The following SYT1 variants were observed in gnomAD, a reference collection of about 807,000 sequenced individuals.
SYT1 encodes the protein synaptotagmin-1.
A neutral mutation model predicts 44.8 loss-of-function variants in SYT1; 8 were observed. The ratio of observed to expected loss-of-function variants is 0.18; its 90% confidence interval spans 0.10 to 0.32. The LOEUF (loss-of-function observed/expected upper bound fraction) is 0.32, where lower values mean the gene tolerates loss of function less well. Among genes scored for constraint, SYT1 ranks in the 10% least tolerant of loss-of-function variants. The probability of loss-of-function intolerance (pLI) is 1.00; values close to 1 mark genes in which losing one functional copy is unlikely to be tolerated. For synonymous variants in SYT1, 154 were observed against 188.8 expected (o/e 0.82, Z 1.51); for missense variants, 286 against 509.3 (o/e 0.56, Z 4.22).
chr12:78,948,077 G>T (rs1233535778), intron 1 of SYT1, among the ~76,000 whole-genome samples: 6 of 151,502 alleles, frequency 4.0e-5, no homozygotes, highest in African/African-American at 7.3e-5. Context: ...AACAATGAAA[G>T]GTCCTGCAGA....
At position 79,178,961 on chromosome 12, in the gene SYT1, G is replaced by A. The variant is rs192002823; in HGVS notation, c.-17-38542G>A. On this transcript the variant is annotated intron_variant, in intron 3 of 10. Transcript: ENST00000261205. ...AGATATAGATATAGATATAGATATA[G>A]ATATAGATATATAGATATAGATATA... is the stretch of plus-strand genomic sequence containing the variant. 5.6e-4 allele frequency among the ~76,000 whole-genome samples: 11 copies of A among 19,536 alleles called. 1 individual carries two copies. The highest frequency in any genetic ancestry group is 2.0e-3 in the African/African-American group (6 of 3,070). 12.8% of individuals were successfully genotyped at this position (19,536 alleles called of 152,430 possible).
At chr12:79,380,584 C>G (rs1287576118) in intron 9 of SYT1, among the ~76,000 whole-genome samples, 1 of 152,116 alleles carries the variant, frequency 6.6e-6, no homozygotes, top group African/African-American at 2.4e-5. Context: ...ATGGGGGTCT[C>G]ACTATATTGC....
At chr12:79,074,927 G>A (rs1876537784) in intron 3 of SYT1, among the ~76,000 whole-genome samples, 1 of 150,308 alleles carries the variant, frequency 6.7e-6, no homozygotes, top group East Asian at 1.9e-4. Flanking sequence ...TTTACTTCTT[G>A]TTTTCCATGC....
chr12:78,974,910 CT>C (rs1868705015), intron 1 of SYT1, among the ~76,000 whole-genome samples: 1 of 152,084 alleles, frequency 6.6e-6, no homozygotes, highest in Non-Finnish European at 1.5e-5. Flanking sequence ...CGTGATCCTC[CT>C]TGCATAGACC....
intron 2 of SYT1, among the ~76,000 whole-genome samples, chr12:79,017,603 G>C (rs1269094754): frequency 6.6e-6 from 1 of 152,096 alleles, no homozygotes; most frequent in Non-Finnish European, 1.5e-5. Flanking sequence ...ACATTGTGGG[G>C]AGGGGACTTC....
At chr12:79,056,767 AG>A (rs1220609376) in intron 3 of SYT1, among the ~76,000 whole-genome samples, 3 of 152,082 alleles carry the variant, frequency 2.0e-5, no homozygotes, top group African/African-American at 7.2e-5. Flanking sequence ...TTGAAATCAC[AG>A]CATTATTCTT....
chr12:78,987,380 T>C (rs922084429), intron 2 of SYT1, among the ~76,000 whole-genome samples: 1 of 152,068 alleles, frequency 6.6e-6, no homozygotes, highest in Admixed American at 6.6e-5. Context: ...TGAGGTCACA[T>C]GTTGGCTAAA....
chr12:79,045,531 T>C, intron 2 of SYT1: 1 of 157,256 alleles, frequency 6.4e-6, no homozygotes, highest in Non-Finnish European at 1.4e-5. Flanking sequence ...TGGCACTCCC[T>C]AGTGAGATGA....
intron 1 of SYT1, among the ~76,000 whole-genome samples, chr12:78,893,916 G>A (rs1023364622): frequency 1.4e-4 from 21 of 151,536 alleles, no homozygotes; most frequent in African/African-American, 4.1e-4. Flanking sequence ...TCTCTCATGC[G>A]CAAAGATGCT....
intron 1 of SYT1, among the ~76,000 whole-genome samples, chr12:78,871,124 A>G (rs1873799714): frequency 6.6e-6 from 1 of 152,018 alleles, no homozygotes; most frequent in South Asian, 2.1e-4. Flanking sequence ...TTCAAATCAT[A>G]CTTTCAAAAT....
Position 79,099,325 on chromosome 12 carries a change from C to T in SYT1, c.-18+51963C>T, listed in dbSNP as rs144878628. Among the ~76,000 whole-genome samples the T allele has an allele frequency of 6.5e-3, 995 of 152,190 alleles. 14 individuals are homozygous for T. The highest frequency in any genetic ancestry group is 0.023 in the African/African-American group (947 of 41,546). ...TAAAAGAGAAGCTTTAGCACAATAA[C>T]GTTTTGTCTAAACATTATTTATTCA... On this transcript the variant is annotated intron_variant, in intron 3 of 10. Transcript: ENST00000261205.
chr12:78,971,539 A>T (rs1312645085), intron 1 of SYT1, among the ~76,000 whole-genome samples: 2 of 152,188 alleles, frequency 1.3e-5, no homozygotes, highest in Non-Finnish European at 2.9e-5. Flanking sequence ...CACAAAGAAA[A>T]ATTATATAAA....
At chr12:78,942,017 C>T (rs1826887200) in intron 1 of SYT1, among the ~76,000 whole-genome samples, 2 of 152,200 alleles carry the variant, frequency 1.3e-5, no homozygotes, top group Admixed American at 6.5e-5. Context: ...TACTATTTTC[C>T]TTTTGGCCTC....
At chr12:79,018,487 T>TATA (rs1372820997) in intron 2 of SYT1, among the ~76,000 whole-genome samples, 1 of 151,988 alleles carries the variant, frequency 6.6e-6, no homozygotes, top group Non-Finnish European at 1.5e-5. Flanking sequence ...AAACTTAAAG[T>TATA]ATAATAATAA....
intron 3 of SYT1, among the ~76,000 whole-genome samples, chr12:79,134,007 G>C (rs948586747): frequency 2.0e-5 from 3 of 152,084 alleles, no homozygotes; most frequent in Non-Finnish European, 4.4e-5. Flanking sequence ...TGAAGTGCTG[G>C]TCATGTGGCA....
rs368284766 is a variant in SYT1 at position 79,068,974 on chromosome 12, T to C, written c.-18+21612T>C. On this transcript the variant is annotated intron_variant, in intron 3 of 10. Transcript: ENST00000261205. ...ATACCAGAGATCAGTATAGCTTACC[T>C]GTTTCCATCTATGTCAGAGAGAAGA... Among the ~76,000 whole-genome samples the C allele has an allele frequency of 2.4e-3, 358 of 152,334 alleles. 9 individuals carry two copies. In the South Asian group the frequency reaches 0.034, roughly 15 times the overall value.
chr12:78,882,748 T>G (rs1287781049), intron 1 of SYT1, among the ~76,000 whole-genome samples: 5 of 151,766 alleles, frequency 3.3e-5, no homozygotes, highest in Non-Finnish European at 7.4e-5. Context: ...GAGACTAAAT[T>G]TAGTTGACAG....
intron 8 of SYT1, among the ~76,000 whole-genome samples, chr12:79,313,603 C>CAAAAAAAAAAAAAAAAAA (rs58288822): frequency 9.9e-6 from 1 of 101,194 alleles, no homozygotes; most frequent in African/African-American, 3.8e-5. Context: ...TTTTAAAAAG[C>CAAAAAAAAAAAAAAAAAA]AAAAAAAAAA....
Position 79,383,164 on chromosome 12 carries a change from T to A in SYT1, c.928+29545T>A, listed in dbSNP as rs189237002. ...TCATTGTTGTGTGAACTTCATAGAG[T>A]GTATTTGCACAAACCTAGGTGTTGT... On this transcript the variant is annotated intron_variant, in intron 9 of 10. Transcript: ENST00000261205. 7.9e-5 allele frequency among the ~76,000 whole-genome samples: 12 copies of A among 152,216 alleles called. No individual in the cohort carries two copies. The East Asian group carries it at 2.1e-3, about 27-fold the overall frequency.
Sources: allele counts gnomAD v4.1 joint callset (sites outside exome capture counted in the v4.1 genomes callset), GRCh38; gene constraint gnomAD v4.1.1; transcripts MANE v1.5; gene names NCBI Gene and HGNC (gene_info 2026-07-23, HGNC 2026-07-21).